Variants in IP6K2 observed in about 807,000 individuals in gnomAD.
IP6K2 encodes the protein ATP:1D-myo-inositol-hexakisphosphate phosphotransferase.
A neutral mutation model predicts 43.3 loss-of-function variants in IP6K2; 9 were observed. The observed-to-expected ratio is 0.21, with a 90% confidence interval of 0.13 to 0.36. IP6K2 has a LOEUF of 0.36. Among genes scored for constraint, IP6K2 ranks in the 10% least tolerant of loss-of-function variants. The pLI is 1.00. For synonymous variants in IP6K2, 209 were observed against 202.4 expected, an observed-to-expected ratio of 1.03 and a Z score of -0.28; for missense variants, 332 against 538.4, an observed-to-expected ratio of 0.62 and a Z score of 3.79.
chr3:48,694,186 C>G, intron 2 of IP6K2: 2 of 1,550,972 alleles, frequency 1.3e-6, no homozygotes, highest in Non-Finnish European at 1.7e-6. Context: ...GGGAAAGGAC[C>G]AGGGGAAAAA....
Position 48,688,638 on chromosome 3 carries a change from G to A in IP6K2, c.916C>T (p.Pro306Ser). Residue 306 changes from proline (P) to serine (S), a missense_variant, in exon 6 of 6, where the codon CCT becomes TCT. Pro to Ser is a moderately conservative substitution (Grantham distance 74). Coordinates refer to ENST00000328631, the MANE Select transcript of IP6K2 (RefSeq NM_016291.4). The surrounding 1 kb of genome is among the most constrained non-coding windows in gnomAD (Gnocchi z 5.1). ...AGCTCAGTCAGCTTCTTGAGCACAG[G>A]GCCCAGGAGTTCACGGCGCAGGTAC... ...GRYLRRELLG[P>S]VLKKLTELKA... The A allele has an allele frequency of 6.2e-7, 1 of 1,614,242 alleles. No individual in the cohort carries two copies. Among genetic ancestry groups the A allele is most frequent in the Non-Finnish European group, 8.5e-7 (1 of 1,180,050 alleles).
intron 1 of IP6K2, among the ~76,000 whole-genome samples, chr3:48,712,224 T>C (rs1179513390): frequency 6.6e-6 from 1 of 151,198 alleles, no homozygotes; most frequent in Non-Finnish European, 1.5e-5. Context: ...AGCGAGACCC[T>C]GTCTCTACAA....
At chr3:48,700,217 C>T (rs2078875550) in intron 1 of IP6K2, among the ~76,000 whole-genome samples, 1 of 152,112 alleles carries the variant, frequency 6.6e-6, no homozygotes, top group African/African-American at 2.4e-5. Flanking sequence ...CCTATCTCTG[C>T]AAGGAAATGA....
Position 48,688,274 on chromosome 3 carries a change from C to A in IP6K2, c.1280G>T (p.Ter427LeuextTer3). Residue 427 changes from the stop codon to leucine (L), a stop_lost, in exon 6 of 6, where the codon TGA becomes TTA. Coordinates refer to ENST00000328631, the MANE Select transcript of IP6K2 (RefSeq NM_016291.4). The surrounding 1 kb of genome is among the most constrained non-coding windows in gnomAD (Gnocchi z 5.1). ...VTEISEESGE[*>L] ...CAAGTACTGGAGCAGCTAGCAAGCT[C>A]ACTCCCCACTCTCCTCACTTATCTC... 6.2e-7 allele frequency: 1 copy of A among 1,611,922 alleles called. No homozygotes were observed. The highest frequency in any genetic ancestry group is 8.5e-7 in the Non-Finnish European group (1 of 1,178,108).
intron 1 of IP6K2, among the ~76,000 whole-genome samples, chr3:48,713,433 A>G (rs2107092259): frequency 6.6e-6 from 1 of 152,372 alleles, no homozygotes; most frequent in Admixed American, 6.5e-5. Flanking sequence ...GCAACGTGGC[A>G]GCCTTCCACA....
Position 48,703,084 on chromosome 3 carries a change from A to G in IP6K2, c.-130-7663T>C, listed in dbSNP as rs1286082163. 3.3e-5 allele frequency among the ~76,000 whole-genome samples: 5 copies of G among 152,238 alleles called. No individual in the cohort carries two copies. In the South Asian group the frequency reaches 8.3e-4, roughly 25 times the overall value. ...CTTTGCATTTATTATTTTCCACCTT[A>G]TAAGTCTGCATTAACTGGGGAGTAT... On this transcript the variant is annotated intron_variant, in intron 1 of 5. Coordinates refer to ENST00000328631, the MANE Select transcript of IP6K2 (RefSeq NM_016291.4).
At chr3:48,717,122 C>G (rs2081280359) in intron 1 of IP6K2, 35 bp downstream of exon 1, 1 of 154,870 alleles carries the variant, frequency 6.5e-6, no homozygotes, top group South Asian at 2.0e-4. Flanking sequence ...CCTCAAAGCT[C>G]CTCGGGCACT....
At chr3:48,715,443 T>C (rs1174528930) in intron 1 of IP6K2, 2 of 1,535,972 alleles carry the variant, frequency 1.3e-6, no homozygotes, top group Admixed American at 2.0e-5. Flanking sequence ...CATCAGTCAG[T>C]GGTTGCTCCT....
Position 48,688,863 on chromosome 3 carries a change from A to T in IP6K2, c.781-90T>A. ...GGTGGGGTGGTGTGGTGGTGGCGGCATGTGACAGCCCAGATCAGATAAAGT... is the reference window on the plus strand; with the variant it reads ...GGTGGGGTGGTGTGGTGGTGGCGGCTTGTGACAGCCCAGATCAGATAAAGT... On this transcript the variant is annotated intron_variant, in intron 5 of 5. Coordinates refer to ENST00000328631, the MANE Select transcript of IP6K2 (RefSeq NM_016291.4). This position sits in a 1 kb window ranked among gnomAD's most constrained non-coding sequence, Gnocchi z 5.1. The T allele has an allele frequency of 7.3e-7, 1 of 1,371,522 alleles. No homozygotes were observed. The highest frequency in any genetic ancestry group is 9.9e-7 in the Non-Finnish European group (1 of 1,005,448). The allele number at this position is 1,371,522 out of a possible 1,614,324, so 85.0% of individuals were successfully genotyped here.
chr3:48,694,418 G>A, intron 2 of IP6K2: 2 of 1,547,774 alleles, frequency 1.3e-6, no homozygotes, highest in Non-Finnish European at 1.7e-6. Context: ...ATGTAACCAG[G>A]TAATGCACAT....
At chr3:48,698,291 G>A (rs2106871889) in intron 1 of IP6K2, among the ~76,000 whole-genome samples, 1 of 152,292 alleles carries the variant, frequency 6.6e-6, no homozygotes, top group Middle Eastern at 3.4e-3. Flanking sequence ...TAAAGCACAT[G>A]TCAGGTACCA....
chr3:48,705,783 G>A (rs1269990115), intron 1 of IP6K2, among the ~76,000 whole-genome samples: 2 of 150,180 alleles, frequency 1.3e-5, no homozygotes, highest in Non-Finnish European at 3.0e-5. Flanking sequence ...TAGGTGGATC[G>A]ATTGAGCCCA....
At chr3:48,712,943 G>A (rs1467162993) in intron 1 of IP6K2, among the ~76,000 whole-genome samples, 1 of 152,016 alleles carries the variant, frequency 6.6e-6, no homozygotes, top group Admixed American at 6.6e-5. Flanking sequence ...AACCCAGGAG[G>A]CAGAGGTTGC....
rs1409232935 is a variant in IP6K2 at position 48,702,480 on chromosome 3, T to C, written c.-130-7059A>G. Among the ~76,000 whole-genome samples, 4 of 151,526 alleles carry C rather than the reference T, an allele frequency of 2.6e-5. No homozygotes were observed. In the East Asian group the frequency reaches 7.9e-4, roughly 30 times the overall value. On this transcript the variant is annotated intron_variant, in intron 1 of 5. Transcript: ENST00000328631. Reference sequence around the variant, plus strand: ...TTTTTTGAGATAGAGTCTTGCTCTGTTGCCCAGGCTAAAAGTGCAGTGGCG... The same window carrying C: ...TTTTTTGAGATAGAGTCTTGCTCTGCTGCCCAGGCTAAAAGTGCAGTGGCG...
chr3:48,715,508 C>T (rs1161661383), intron 1 of IP6K2: 13 of 1,505,358 alleles, frequency 8.6e-6, no homozygotes, highest in Non-Finnish European at 1.2e-5. Context: ...ATACAGTGTA[C>T]CTGTCTGTCA....
At position 48,695,566 on chromosome 3, in the gene IP6K2, C is replaced by T; in HGVS notation, c.-130-145G>A. 2 of 1,109,354 alleles carry T rather than the reference C, an allele frequency of 1.8e-6. No homozygotes were observed. The highest frequency in any genetic ancestry group is 2.3e-6 in the Non-Finnish European group (2 of 866,626). The allele number at this position is 1,109,354 out of a possible 1,614,324, so 68.7% of individuals were successfully genotyped here. A position where few individuals can be genotyped will look rare whatever the true frequency, so the allele number is the denominator to read the frequency against. ...TCCGCCCATGCCACCCACCTTGGCC[C>T]CCGCCTTCTCCGGCAGAAAAACAAA... On this transcript the variant is annotated intron_variant, in intron 1 of 5. Transcript: ENST00000328631. The surrounding 1 kb of genome is among the most constrained non-coding windows in gnomAD (Gnocchi z 4.6).
intron 1 of IP6K2, among the ~76,000 whole-genome samples, chr3:48,713,511 A>G (rs989337050): frequency 6.6e-6 from 1 of 152,268 alleles, no homozygotes; most frequent in Non-Finnish European, 1.5e-5. Context: ...GTGCAAAAGC[A>G]ACACTAGAGC....
chr3:48,688,890 C>T lies in IP6K2; in HGVS notation c.781-117G>A. ...GTGACAGCCCAGATCAGATAAAGTA[C>T]ACCAGTTGCACATGAGCCACTGTCC... On this transcript the variant is annotated intron_variant, in intron 5 of 5. Transcript: ENST00000328631. The surrounding 1 kb of genome is among the most constrained non-coding windows in gnomAD (Gnocchi z 5.1). 9.3e-7 allele frequency: 1 copy of T among 1,069,734 alleles called. No individual in the cohort carries two copies. Among genetic ancestry groups the T allele is most frequent in the Non-Finnish European group, 1.3e-6 (1 of 749,196 alleles). The allele number at this position is 1,069,734 out of a possible 1,614,324, so 66.3% of individuals were successfully genotyped here.
intron 1 of IP6K2, among the ~76,000 whole-genome samples, chr3:48,707,173 C>A (rs1228963423): frequency 6.6e-6 from 1 of 152,190 alleles, no homozygotes; most frequent in South Asian, 2.1e-4. Context: ...TCCTCCAACT[C>A]TGAGCACACA....
Sources: allele counts gnomAD v4.1 joint callset (sites outside exome capture counted in the v4.1 genomes callset), GRCh38; gene constraint gnomAD v4.1.1; non-coding constraint Gnocchi (gnomAD v3.1); transcripts MANE v1.5; gene names NCBI Gene and HGNC (gene_info 2026-07-23, HGNC 2026-07-21).